FAM124A: variants seen among roughly 807,000 people sequenced by gnomAD.
The protein encoded by FAM124A is family with sequence similarity 124 member A.
In FAM124A, 23 loss-of-function variants were observed where a neutral mutation model predicts 24.5. The ratio of observed to expected loss-of-function variants is 0.94; its 90% CI spans 0.68 to 1.33. The LOEUF (loss-of-function observed/expected upper bound fraction) is 1.33, where lower values mean the gene tolerates loss of function less well. Ranked by LOEUF, FAM124A falls within the 40% of genes most tolerant of loss-of-function variation. FAM124A has a pLI of 0.00. For missense variants in FAM124A, 623 were observed against 722.8 expected (o/e 0.86, Z 1.58); for synonymous variants, 287 against 314.7 (o/e 0.91, Z 0.93).
chr13:51,257,847 C>T (rs1239982381), intron 3 of FAM124A, among the ~76,000 whole-genome samples: 1 of 152,224 alleles, frequency 6.6e-6, no homozygotes, highest in African/African-American at 2.4e-5. Flanking sequence ...CCCCAATCCT[C>T]AGCGCTCTGG....
chr13:51,242,440 C>T (rs1032969181), intron 2 of FAM124A, among the ~76,000 whole-genome samples: 20 of 152,194 alleles, frequency 1.3e-4, no homozygotes, highest in Non-Finnish European at 2.6e-4. Flanking sequence ...AAAGTCCTTG[C>T]AGTCCCAGGG....
chr13:51,246,944 A>G (rs983619561), intron 2 of FAM124A, among the ~76,000 whole-genome samples: 2 of 152,172 alleles, frequency 1.3e-5, no homozygotes, highest in African/African-American at 2.4e-5. Context: ...GGTGACTGTT[A>G]TGCATTCCTT....
At chr13:51,245,473 C>G in intron 2 of FAM124A, 1 of 513,314 alleles carries the variant, frequency 1.9e-6, no homozygotes, top group Non-Finnish European at 3.5e-6. Context: ...AAGCTTCCAG[C>G]TTGCTTATCT....
At chr13:51,245,892 G>T in intron 2 of FAM124A, among the ~76,000 whole-genome samples, 1 of 152,170 alleles carries the variant, frequency 6.6e-6, no homozygotes, top group Admixed American at 6.5e-5. Flanking sequence ...GCCAGAAACA[G>T]GATACACAGG....
intron 3 of FAM124A, among the ~76,000 whole-genome samples, chr13:51,274,370 CA>C (rs1430381449): frequency 6.6e-6 from 1 of 152,090 alleles, no homozygotes; most frequent in East Asian, 1.9e-4. Context: ...ATCCACAATC[CA>C]AAATGCTTCA....
chr13:51,280,612 AC>A lies in FAM124A; in HGVS notation c.998del (p.Thr333LysfsTer74). On this transcript the variant is annotated frameshift_variant, in exon 4 of 4. Transcript: ENST00000322475. LOFTEE classifies it low-confidence loss of function (END_TRUNC). ...LNSPHPGPIR[T>X]GLPPGHQQEF... ...CAGTCCTCACCCGGGGCCCATCCGGACAGGCCTGCCTCCTGGGCACCAGCAG... is the reference window on the plus strand; with the variant it reads ...CAGTCCTCACCCGGGGCCCATCCGGAAGGCCTGCCTCCTGGGCACCAGCAG... 2 of 1,614,222 alleles carry A rather than the reference AC, an allele frequency of 1.2e-6. No homozygotes were observed. Among genetic ancestry groups the A allele is most frequent in the Non-Finnish European group, 1.7e-6 (2 of 1,180,042 alleles).
intron 1 of FAM124A, among the ~76,000 whole-genome samples, chr13:51,225,668 G>A (rs567115366): frequency 6.6e-6 from 1 of 152,312 alleles, no homozygotes; most frequent in South Asian, 2.1e-4. Flanking sequence ...AACGCTAAAT[G>A]TCTTTTTTAA....
At chr13:51,280,410 T>C (rs749409923) in intron 3 of FAM124A, 40 bp from the exon 4 acceptor site, 17 of 1,504,928 alleles carry the variant, frequency 1.1e-5, no homozygotes, top group Non-Finnish European at 1.5e-5. Flanking sequence ...ATTTAACAAT[T>C]CCCATCCTGC....
At chr13:51,259,490 C>T (rs556815303) in intron 3 of FAM124A, among the ~76,000 whole-genome samples, 2 of 152,154 alleles carry the variant, frequency 1.3e-5, no homozygotes, top group Non-Finnish European at 2.9e-5. Context: ...CCTTCCCCGC[C>T]GCCTGATCCC....
chr13:51,235,681 CAGTT>C (rs1285195280), intron 2 of FAM124A, among the ~76,000 whole-genome samples: 3 of 152,208 alleles, frequency 2.0e-5, no homozygotes, highest in African/African-American at 4.8e-5. Context: ...CCTCAAAACT[CAGTT>C]AGTCATGAGC....
rs1341134789 is a variant in FAM124A, at chr13:51,279,658, T to G, written c.835-792T>G. Among the ~76,000 whole-genome samples, 8 of 152,052 alleles carry G rather than the reference T, an allele frequency of 5.3e-5. No individual in the cohort carries two copies. The East Asian group carries it at 1.3e-3, about 26-fold the overall frequency. On this transcript the variant is annotated intron_variant, in intron 3 of 3. Transcript: ENST00000322475. Reference sequence around the variant, plus strand: ...GAAACGGGTTACTGGTGAGCTGCAGTGAGGGCCAGGGAGGGCTGCTGGACC... The same window carrying G: ...GAAACGGGTTACTGGTGAGCTGCAGGGAGGGCCAGGGAGGGCTGCTGGACC...
In FAM124A at chr13:51,222,435, G is replaced by A. The variant is rs929584246; in HGVS notation, c.-67G>A. 1.7e-6 allele frequency: 2 copies of A among 1,166,590 alleles called. No homozygotes were observed. The highest frequency in any genetic ancestry group is 4.6e-5 in the Admixed American group (1 of 21,606). 72.3% of individuals were successfully genotyped at this position (1,166,590 alleles called of 1,614,324 possible). On this transcript the variant is annotated 5_prime_UTR_variant, in exon 1 of 4. Transcript: ENST00000322475. ...GGAGCCCGGCCGGCTCGGACTGGGC[G>A]GCCGGGAGGGAGGGCGCCCCGGGTC...
At chr13:51,254,861 A>C (rs950744813) in intron 3 of FAM124A, among the ~76,000 whole-genome samples, 11 of 152,166 alleles carry the variant, frequency 7.2e-5, no homozygotes, top group African/African-American at 2.7e-4. Flanking sequence ...AATATTATTA[A>C]TTATGTATAT....
intron 1 of FAM124A, among the ~76,000 whole-genome samples, chr13:51,229,124 C>T (rs1954347207): frequency 6.6e-6 from 1 of 152,194 alleles, no homozygotes; most frequent in Non-Finnish European, 1.5e-5. Flanking sequence ...CAGTGGGAGG[C>T]TGTAGGTGAC....
intron 3 of FAM124A, among the ~76,000 whole-genome samples, chr13:51,263,074 G>A (rs1264015816): frequency 3.9e-5 from 6 of 152,216 alleles, no homozygotes; most frequent in African/African-American, 1.4e-4. Context: ...CCCACTAGGG[G>A]GCCTCTCACT....
intron 3 of FAM124A, among the ~76,000 whole-genome samples, chr13:51,254,984 A>T (rs928196559): frequency 6.6e-6 from 1 of 152,112 alleles, no homozygotes; most frequent in African/African-American, 2.4e-5. Context: ...CAAAGAAAAG[A>T]TTCTTCCTCC....
intron 3 of FAM124A, among the ~76,000 whole-genome samples, chr13:51,270,003 A>C (rs920486232): frequency 2.0e-5 from 3 of 152,196 alleles, no homozygotes; most frequent in African/African-American, 7.2e-5. Context: ...TCAGTGAGAC[A>C]GTTCTGGGGG....
At position 51,258,362 on chromosome 13, in the gene FAM124A, A is replaced by G. The variant is rs1331722572; in HGVS notation, c.834+6161A>G. ...TCAACCCATAACAACTATCTTGTAT[A>G]TTTATCTGTTTACTTGTATCTGATC... On this transcript the variant is annotated intron_variant, in intron 3 of 3. Transcript: ENST00000322475. This position sits in a 1 kb window ranked among gnomAD's most constrained non-coding sequence, Gnocchi z 4.2. Among the ~76,000 whole-genome samples the G allele has an allele frequency of 6.6e-6, 1 of 152,186 alleles. No homozygotes were observed.
chr13:51,238,995 G>A (rs977885205), intron 2 of FAM124A, among the ~76,000 whole-genome samples: 1 of 152,078 alleles, frequency 6.6e-6, no homozygotes, highest in South Asian at 2.1e-4. Context: ...ACTTCAACTC[G>A]ACAGAGGGTG....
Sources: gnomAD v4.1 joint callset for allele counts (sites outside exome capture counted in the v4.1 genomes callset) on GRCh38, gnomAD v4.1.1 for gene constraint, Gnocchi (gnomAD v3.1) non-coding constraint, MANE v1.5 for transcripts, NCBI Gene and HGNC (gene_info 2026-07-23, HGNC 2026-07-21) for gene names.